Variants in ROBO2 observed in about 807,000 individuals in gnomAD.
ROBO2 encodes the protein roundabout guidance receptor 2.
Under a neutral mutation model 160.8 loss-of-function variants are expected in ROBO2, and 53 were observed. The observed-to-expected ratio is 0.33, with a 90% CI of 0.26 to 0.41. The LOEUF is 0.41. Ranked by LOEUF, ROBO2 falls within the 10% of genes least tolerant of loss-of-function variation. The pLI is 1.00. For missense variants in ROBO2, 1,577 were observed against 1,722.4 expected (o/e 0.92, Z 1.49); for synonymous variants, 664 against 611.7 (o/e 1.09, Z -1.26).
At chr3:77,111,203 A>G (rs186753021) in intron 2 of ROBO2, among the ~76,000 whole-genome samples, 92 of 152,292 alleles carry the variant, frequency 6.0e-4, no homozygotes, top group African/African-American at 2.1e-3. Context: ...ATCTGAAAAA[A>G]GCATATCTAG....
chr3:76,645,273 A>G (rs1219304106), intron 2 of ROBO2, among the ~76,000 whole-genome samples: 2 of 152,188 alleles, frequency 1.3e-5, no homozygotes, highest in African/African-American at 4.8e-5. Flanking sequence ...TGTACTTCCC[A>G]TAGTGCTTCT....
intron 2 of ROBO2, among the ~76,000 whole-genome samples, chr3:77,375,771 A>G (rs1475991362): frequency 6.6e-6 from 1 of 150,636 alleles, no homozygotes; most frequent in Non-Finnish European, 1.5e-5. Flanking sequence ...GAACCTTTGC[A>G]TAGACTGTAC....
chr3:75,964,875 C>T (rs1270076515), intron 2 of ROBO2: 3 of 151,676 alleles, frequency 2.0e-5, no homozygotes, highest in Non-Finnish European at 1.5e-5. Flanking sequence ...ATGAATTTTT[C>T]ATGACAAATA....
At chr3:76,569,323 A>T (rs1183370758) in intron 2 of ROBO2, among the ~76,000 whole-genome samples, 2 of 152,156 alleles carry the variant, frequency 1.3e-5, no homozygotes, top group Non-Finnish European at 2.9e-5. Context: ...AGCACCAGCT[A>T]ATTAAAAACA....
At chr3:76,123,621 A>G (rs904478492) in intron 2 of ROBO2, among the ~76,000 whole-genome samples, 2 of 151,952 alleles carry the variant, frequency 1.3e-5, no homozygotes, top group African/African-American at 4.8e-5. Flanking sequence ...TATGTTTTGG[A>G]CTCTCCTGTC....
chr3:76,290,936 TTTTGCATCTATG>T (rs1235607853), intron 2 of ROBO2, among the ~76,000 whole-genome samples: 1 of 152,116 alleles, frequency 6.6e-6, no homozygotes, highest in Non-Finnish European at 1.5e-5. Context: ...AGTTGAGGAT[TTTTGCATCTATG>T]TTTGCATTAA....
At chr3:76,883,632 T>TAA (rs1312730660) in intron 2 of ROBO2, among the ~76,000 whole-genome samples, 2 of 152,320 alleles carry the variant, frequency 1.3e-5, no homozygotes, top group East Asian at 3.9e-4. Flanking sequence ...TATTGTGATT[T>TAA]ATTTCATGCC....
intron 1 of ROBO2, among the ~76,000 whole-genome samples, chr3:75,929,371 A>G (rs190746130): frequency 6.6e-6 from 1 of 152,286 alleles, no homozygotes; most frequent in East Asian, 1.9e-4. Context: ...TTTTTGCAGA[A>G]TTTACTAAGC....
intron 2 of ROBO2, among the ~76,000 whole-genome samples, chr3:76,695,733 C>T (rs1356394069): frequency 6.6e-6 from 1 of 152,114 alleles, no homozygotes; most frequent in East Asian, 1.9e-4. Context: ...ACCACTCGTT[C>T]TCCCATTTTA....
At chr3:76,748,293 T>C (rs1228613587) in intron 2 of ROBO2, among the ~76,000 whole-genome samples, 1 of 151,668 alleles carries the variant, frequency 6.6e-6, no homozygotes, top group Non-Finnish European at 1.5e-5. Context: ...GTATTATTTG[T>C]ATAAAAATAA....
chr3:76,580,342 G>GTTTTTTTTTTTTT (rs71101901), intron 2 of ROBO2, among the ~76,000 whole-genome samples: 76 of 90,512 alleles, frequency 8.4e-4, no homozygotes, highest in African/African-American at 1.6e-3. Flanking sequence ...TTTTTTTTGT[G>GTTTTTTTTTTTTT]TTTTTTTTTT....
chr3:77,399,317 C>T (rs4683978), intron 2 of ROBO2, among the ~76,000 whole-genome samples: 1 of 152,168 alleles, frequency 6.6e-6, no homozygotes, highest in Non-Finnish European at 1.5e-5. Flanking sequence ...AGATAGGATG[C>T]CCAATGCACA....
intron 13 of ROBO2, among the ~76,000 whole-genome samples, chr3:77,573,586 G>A (rs1030594744): frequency 6.6e-6 from 1 of 151,854 alleles, no homozygotes; most frequent in African/African-American, 2.4e-5. Context: ...TTTGGTAATG[G>A]GCATAAACGT....
intron 2 of ROBO2, among the ~76,000 whole-genome samples, chr3:77,200,265 TTTTATATATATATATATATATATATATA>T (rs1476525985): frequency 1.0e-3 from 61 of 59,060 alleles, no homozygotes; most frequent in East Asian, 1.4e-3. Context: ...AACTAACATA[TTTTATATATATATATATATATATATATA>T]TATATATATA....
intron 2 of ROBO2, among the ~76,000 whole-genome samples, chr3:76,405,668 G>A (rs531918174): frequency 6.6e-6 from 1 of 151,696 alleles, no homozygotes; most frequent in African/African-American, 2.4e-5. Context: ...GAGAGCATAG[G>A]TTTCTTGGCA....
chr3:76,619,143 A>T lies in ROBO2; in HGVS notation c.110-478871A>T, dbSNP rs557960839. On this transcript the variant is annotated intron_variant, in intron 2 of 26. Transcript: ENST00000487694. Reference sequence around the variant, plus strand: ...ATCACGAGGTCAGGAGATCGAGACCATCCTGGCTAACACGGTGAAACCCCG... The same window carrying T: ...ATCACGAGGTCAGGAGATCGAGACCTTCCTGGCTAACACGGTGAAACCCCG... Among the ~76,000 whole-genome samples the T allele has an allele frequency of 9.2e-5, 14 of 151,792 alleles. No individual in the cohort carries two copies. The South Asian group carries it at 2.9e-3, about 32-fold the overall frequency.
At chr3:77,119,191 C>T (rs931688923) in intron 2 of ROBO2, among the ~76,000 whole-genome samples, 2 of 152,256 alleles carry the variant, frequency 1.3e-5, no homozygotes, top group Admixed American at 6.5e-5. Context: ...TGAGGCCTCC[C>T]CAGCCATGCA....
intron 2 of ROBO2, among the ~76,000 whole-genome samples, chr3:76,401,646 A>G (rs925805104): frequency 2.0e-5 from 3 of 151,448 alleles, no homozygotes; most frequent in Non-Finnish European, 3.0e-5. Flanking sequence ...ACATTACCAT[A>G]TTTAAGCTTC....
intron 2 of ROBO2, among the ~76,000 whole-genome samples, chr3:76,549,219 G>C (rs1294635777): frequency 6.6e-6 from 1 of 151,930 alleles, no homozygotes; most frequent in Admixed American, 6.6e-5. Context: ...TGTCATGAAA[G>C]GCAAATTTTC....
Sources: allele counts gnomAD v4.1 joint callset (sites outside exome capture counted in the v4.1 genomes callset), GRCh38; gene constraint gnomAD v4.1.1; transcripts MANE v1.5; gene names NCBI Gene and HGNC (gene_info 2026-07-23, HGNC 2026-07-21).